OPA1: variants seen among roughly 807,000 people sequenced by gnomAD.
OPA1 encodes the protein dynamin-like GTPase OPA1, mitochondrial.
A neutral mutation model predicts 152.9 loss-of-function variants in OPA1; 59 were observed. The observed-to-expected ratio is 0.39, with a 90% CI of 0.31 to 0.48. OPA1 has a LOEUF of 0.48. OPA1 is among the 20% of genes least tolerant of loss of function. The probability of loss-of-function intolerance (pLI) is 0.96; values close to 1 mark genes in which losing one functional copy is unlikely to be tolerated. For missense variants in OPA1, 1,008 were observed against 1,216.8 expected (o/e 0.83, Z 2.55); for synonymous variants, 400 against 389.9 (o/e 1.03, Z -0.31).
intron 15 of OPA1, 120 bp from the exon 16 acceptor site, chr3:193,643,855 C>G (rs566368946): frequency 1.8e-6 from 2 of 1,120,316 alleles, no homozygotes; most frequent in Non-Finnish European, 2.6e-6. Context: ...TAGTAAATAA[C>G]GTAAATGTAT....
intron 25 of OPA1, among the ~76,000 whole-genome samples, chr3:193,660,962 G>A (rs1286073735): frequency 6.6e-6 from 1 of 152,186 alleles, no homozygotes; most frequent in East Asian, 1.9e-4. Flanking sequence ...AAGAAAAATG[G>A]TATCTGGCCT....
At chr3:193,616,067 G>T (rs1199994508) in intron 3 of OPA1, among the ~76,000 whole-genome samples, 3 of 152,166 alleles carry the variant, frequency 2.0e-5, no homozygotes, top group African/African-American at 4.8e-5. Context: ...TCAGGCTGAA[G>T]TGCGGTCTTG....
In OPA1 at chr3:193,643,374, C is replaced by A. The variant is rs1174632014; in HGVS notation, c.1307C>A (p.Thr436Asn). 4 of 1,605,724 alleles carry A rather than the reference C, an allele frequency of 2.5e-6. No individual in the cohort carries two copies. The highest frequency in any genetic ancestry group is 2.6e-6 in the Non-Finnish European group (3 of 1,172,570). Residue 436 changes from threonine (T) to asparagine (N), a missense_variant and splice_region_variant, in exon 14 of 31, where the codon ACC becomes AAC. Physicochemically the swap from Thr to Asn is moderately conservative, Grantham distance 65 (BLOSUM62 0). Transcript: ENST00000361510. ...VKEGCTVSPE[T>N]ISLNVKGPGL... ...TTTATTTTTATTTTTCCTGAGTAGA[C>A]CATATCCTTAAATGTAAAAGGCCCT...
Position 193,692,121 on chromosome 3 carries a change from G to A in OPA1, c.3042G>A (p.Glu1014=). 2 of 1,530,200 alleles carry A rather than the reference G, an allele frequency of 1.3e-6. No homozygotes were observed. Among genetic ancestry groups the A allele is most frequent in the South Asian group, 2.3e-5 (2 of 85,304 alleles). 94.8% of individuals were successfully genotyped at this position (1,530,200 alleles called of 1,614,324 possible). A position where few individuals can be genotyped will look rare whatever the true frequency, so the allele number is the denominator to read the frequency against. ...CTTTCATTGAAGCTCTTCATCAGGA[G>A]AAATAAATTAAGTGAGTAAAAATTC... ...LDAFIEALHQ[E]K is the part of the protein sequence containing the mutation. The change falls in exon 30 of 31, where the codon GAG becomes GAA. Residue 1014 remains glutamate (E), a synonymous_variant. Transcript: ENST00000361510.
intron 8 of OPA1, 122 bp from the exon 9 acceptor site, chr3:193,635,296 A>C (rs1238789145): frequency 2.7e-5 from 17 of 619,514 alleles, no homozygotes; most frequent in Non-Finnish European, 4.4e-5. Flanking sequence ...GATGCTTTTA[A>C]AATGTAATAC....
intron 20 of OPA1, chr3:193,648,563 G>T: frequency 2.1e-6 from 1 of 473,548 alleles, no homozygotes; most frequent in Non-Finnish European, 3.9e-6. Context: ...AGTGTTATGT[G>T]AAAAACTGCA....
At chr3:193,613,242 A>G (rs759388034) in intron 1 of OPA1, among the ~76,000 whole-genome samples, 1 of 152,126 alleles carries the variant, frequency 6.6e-6, no homozygotes, top group African/African-American at 2.4e-5. Context: ...GATGCATACT[A>G]CTCAGGTTTT....
At chr3:193,617,915 A>G in intron 5 of OPA1, 78 bp downstream of exon 5, 5 of 1,005,828 alleles carry the variant, frequency 5.0e-6, no homozygotes, top group Non-Finnish European at 7.9e-6. Flanking sequence ...ATAAAATTGC[A>G]GACCAAATTT....
Position 193,614,972 on chromosome 3 carries a change from T to C in OPA1, c.282T>C (p.Ala94=), listed in dbSNP as rs1208962434. The part of the protein sequence containing the change: ...PRRNFWPARL[A]TRLLKLRYLI... ...GGAATTTTTGGCCAGCAAGATTAGCTACGAGACTCTTAAAACTTCGCTATC... is the reference window on the plus strand; with the variant it reads ...GGAATTTTTGGCCAGCAAGATTAGCCACGAGACTCTTAAAACTTCGCTATC... The change falls in exon 2 of 31, where the codon GCT becomes GCC. Residue 94 remains alanine, a synonymous_variant. Transcript: ENST00000361510. The C allele has an allele frequency of 6.2e-6, 10 of 1,614,216 alleles. No homozygotes were observed. The highest frequency in any genetic ancestry group is 8.5e-6 in the Non-Finnish European group (10 of 1,180,024).
At chr3:193,669,038 C>A (rs781102694) in intron 29 of OPA1, 10 of 227,368 alleles carry the variant, frequency 4.4e-5, no homozygotes, top group Non-Finnish European at 7.4e-5. Context: ...TATTAGTTTT[C>A]TGATATCTAA....
At chr3:193,668,181 C>G in intron 29 of OPA1, 1 of 632,668 alleles carries the variant, frequency 1.6e-6, no homozygotes, top group Non-Finnish European at 2.7e-6. Flanking sequence ...TTCTAGTGTT[C>G]TCCCTTTCGA....
intron 1 of OPA1, among the ~76,000 whole-genome samples, chr3:193,597,703 A>G (rs563118583): frequency 6.6e-6 from 1 of 151,732 alleles, no homozygotes; most frequent in Non-Finnish European, 1.5e-5. Context: ...AAAAAAAAAA[A>G]AAAAAAGAAA....
At chr3:193,674,335 A>G (rs1164781029) in intron 29 of OPA1, among the ~76,000 whole-genome samples, 1 of 152,204 alleles carries the variant, frequency 6.6e-6, no homozygotes, top group African/African-American at 2.4e-5. Flanking sequence ...TTCTTTTTTC[A>G]GTAAGCCACC....
At chr3:193,634,668 A>G (rs919407702) in intron 8 of OPA1, among the ~76,000 whole-genome samples, 1 of 152,172 alleles carries the variant, frequency 6.6e-6, no homozygotes. Flanking sequence ...TCGGCCTCCC[A>G]AAGTGCTGGG....
intron 21 of OPA1, among the ~76,000 whole-genome samples, chr3:193,652,316 A>G (rs1406127495): frequency 6.6e-6 from 1 of 151,592 alleles, no homozygotes; most frequent in Non-Finnish European, 1.5e-5. Flanking sequence ...CAGGAAGCGG[A>G]GGTTGCTGTG....
intron 16 of OPA1, among the ~76,000 whole-genome samples, chr3:193,644,574 ACAGG>A (rs1734249709): frequency 6.6e-6 from 1 of 151,994 alleles, no homozygotes; most frequent in African/African-American, 2.4e-5. Context: ...CCAGCCAAAG[ACAGG>A]CAGGCCTTTT....
intron 8 of OPA1, among the ~76,000 whole-genome samples, chr3:193,633,510 T>C (rs1732436799): frequency 6.6e-6 from 1 of 152,200 alleles, no homozygotes; most frequent in African/African-American, 2.4e-5. Context: ...CTTCAATTTG[T>C]GCAATTGTAA....
At chr3:193,596,471 C>G (rs906670516) in intron 1 of OPA1, among the ~76,000 whole-genome samples, 2 of 148,918 alleles carry the variant, frequency 1.3e-5, no homozygotes, top group African/African-American at 5.0e-5. Context: ...AACTCCTGGG[C>G]TCAGGTAATC....
chr3:193,604,860 C>CAA (rs55904490), intron 1 of OPA1, among the ~76,000 whole-genome samples: 56 of 104,580 alleles, frequency 5.4e-4, no homozygotes, highest in South Asian at 1.1e-3. Context: ...AACTCCATCT[C>CAA]AAAAAAAAAA....
Sources: allele counts gnomAD v4.1 joint callset (sites outside exome capture counted in the v4.1 genomes callset), GRCh38; gene constraint gnomAD v4.1.1; transcripts MANE v1.5; gene names NCBI Gene and HGNC (gene_info 2026-07-23, HGNC 2026-07-21).